SPAG17: variants seen among roughly 807,000 people sequenced by gnomAD.
SPAG17 encodes sperm associated antigen 17, also known as sperm-associated antigen 17.
A neutral mutation model predicts 273.6 loss-of-function variants in SPAG17; 169 were observed. The observed-to-expected ratio is 0.62, with a 90% CI of 0.55 to 0.70. SPAG17 has a LOEUF of 0.70. Among genes scored for constraint, SPAG17 ranks in the 30% least tolerant of loss-of-function variants. The probability of loss-of-function intolerance (pLI) is 0.00; values close to 1 mark genes in which losing one functional copy is unlikely to be tolerated. For missense variants in SPAG17, 2,557 were observed against 2,627.8 expected, an observed-to-expected ratio of 0.97 and a Z score of 0.59; for synonymous variants, 825 against 873.2, an observed-to-expected ratio of 0.94 and a Z score of 0.97.
At chr1:118,174,991 T>G (rs992350936) in intron 1 of SPAG17, among the ~76,000 whole-genome samples, 15 of 150,778 alleles carry the variant, frequency 9.9e-5, no homozygotes, top group African/African-American at 3.7e-4. Flanking sequence ...GATATGTGAA[T>G]AGATTGGAAG....
At chr1:118,044,061 ATAT>A (rs1394838092) in intron 20 of SPAG17, among the ~76,000 whole-genome samples, 1 of 152,164 alleles carries the variant, frequency 6.6e-6, no homozygotes, top group Non-Finnish European at 1.5e-5. Flanking sequence ...TACATAAATA[ATAT>A]TATATGCTTT....
In SPAG17 at chr1:118,136,788, T is replaced by C. The variant is rs1181821256; in HGVS notation, c.315+13755A>G. The stretch of plus-strand genomic sequence containing the variant: ...GCTTGTTTTAAAGAAAGGGGTAAAG[T>C]GTGTGTGTGTGTATGTGTGTGTGTG... On this transcript the variant is annotated intron_variant, in intron 3 of 48. Transcript: ENST00000336338. 3.6e-4 allele frequency among the ~76,000 whole-genome samples: 44 copies of C among 122,324 alleles called. 1 individual carries two copies. In the Admixed American group the frequency reaches 3.9e-3, roughly 11 times the overall value. 80.2% of individuals were successfully genotyped at this position (122,324 alleles called of 152,430 possible).
chr1:118,048,738 A>G (rs1650656339), intron 20 of SPAG17, among the ~76,000 whole-genome samples: 1 of 152,108 alleles, frequency 6.6e-6, no homozygotes. Flanking sequence ...TCTATTAAAA[A>G]TACAAAAATT....
chr1:118,162,829 T>C (rs568223827), intron 1 of SPAG17, among the ~76,000 whole-genome samples: 64 of 152,326 alleles, frequency 4.2e-4, no homozygotes, highest in African/African-American at 1.5e-3. Flanking sequence ...TTCATTTATT[T>C]TAATTGCTCT....
At chr1:118,144,172 C>G (rs1195292950) in intron 3 of SPAG17, among the ~76,000 whole-genome samples, 2 of 152,200 alleles carry the variant, frequency 1.3e-5, no homozygotes, top group African/African-American at 2.4e-5. Flanking sequence ...GGTTTCTGAT[C>G]TGGGAGGCAA....
At chr1:117,994,234 T>A (rs1284612344) in intron 35 of SPAG17, among the ~76,000 whole-genome samples, 172 bp downstream of exon 35, 3 of 152,170 alleles carry the variant, frequency 2.0e-5, no homozygotes. Context: ...GAAATGTTGT[T>A]GCCACATCTA....
intron 40 of SPAG17, among the ~76,000 whole-genome samples, chr1:117,986,540 C>T (rs1215470283): frequency 2.0e-5 from 3 of 152,134 alleles, no homozygotes; most frequent in East Asian, 1.9e-4. Flanking sequence ...TAAGTTAAAA[C>T]TTGAAATTGT....
At chr1:118,045,958 A>T (rs1431238823) in intron 20 of SPAG17, among the ~76,000 whole-genome samples, 1 of 152,190 alleles carries the variant, frequency 6.6e-6, no homozygotes, top group Admixed American at 6.5e-5. Flanking sequence ...TCTAGAGCAA[A>T]TACTCCCAGA....
chr1:118,148,666 A>G (rs1450228142), intron 3 of SPAG17, among the ~76,000 whole-genome samples: 4 of 152,210 alleles, frequency 2.6e-5, no homozygotes, highest in Non-Finnish European at 5.9e-5. Context: ...CCGACCCAGA[A>G]GCCTAGGCAG....
rs974678839 is a variant in SPAG17, at chr1:118,085,921, C to G, written c.1762+1G>C. The G allele has an allele frequency of 1.9e-6, 3 of 1,599,078 alleles. No individual in the cohort carries two copies. The highest frequency in any genetic ancestry group is 2.3e-5 in the East Asian group (1 of 43,892). On this transcript the variant is annotated splice_donor_variant, in intron 13 of 48. Transcript: ENST00000336338. LOFTEE classifies it high-confidence loss of function. ...AAGCTAAGACAAAGCAATGGACTCA[C>G]CACTCGTACAAAAGTGCATAAGCTC...
chr1:118,163,541 CTTT>C (rs772258602), intron 1 of SPAG17, among the ~76,000 whole-genome samples: 14 of 140,916 alleles, frequency 9.9e-5, no homozygotes, highest in Admixed American at 2.2e-4. Flanking sequence ...TTCCTTCTTC[CTTT>C]TTTTTTTTTT....
chr1:118,092,745 A>C (rs1655462413), intron 8 of SPAG17, among the ~76,000 whole-genome samples: 1 of 152,230 alleles, frequency 6.6e-6, no homozygotes. Context: ...AGCATTCATC[A>C]TGCTACGTTG....
chr1:118,054,042 T>C lies in SPAG17; in HGVS notation c.2774A>G (p.Glu925Gly). 6.2e-7 allele frequency: 1 copy of C among 1,608,052 alleles called. No homozygotes were observed. The highest frequency in any genetic ancestry group is 1.1e-5 in the South Asian group (1 of 90,662). The change falls in exon 20 of 49, where the codon GAG (glutamate) becomes GGG (glycine). Residue 925 changes from glutamate to glycine, a missense_variant. By Grantham distance (98) the Glu-to-Gly change is moderately conservative (BLOSUM62 -2). Transcript: ENST00000336338. Reference protein sequence around the residue: ...TEISDQEKEKEKEKIPFILEG... With the variant: ...TEISDQEKEKGKEKIPFILEG... The stretch of plus-strand genomic sequence containing the variant: ...TAAAATGAAAGGAATCTTTTCCTTC[T>C]CTTTTTCTTTTTCTTGATCTGATAT...
rs149466639 is a variant in SPAG17 at position 118,043,524 on chromosome 1, T to C, written c.2815-1482A>G. On this transcript the variant is annotated intron_variant, in intron 20 of 48. Coordinates refer to ENST00000336338, the MANE Select transcript of SPAG17 (RefSeq NM_206996.4). ...TTTTGTGACATTTCACTATTGTCTA[T>C]GCTCTGGAGTTTATTTATGTCAATT... 9.6e-4 allele frequency among the ~76,000 whole-genome samples: 147 copies of C among 152,352 alleles called. 2 individuals are homozygous for C. The highest frequency in any genetic ancestry group is 3.5e-3 in the African/African-American group (144 of 41,594).
chr1:117,996,569 A>T (rs376183787), intron 33 of SPAG17, 29 bp downstream of exon 33: 5 of 1,602,442 alleles, frequency 3.1e-6, no homozygotes, highest in Non-Finnish European at 4.3e-6. Flanking sequence ...CTCAGAATTA[A>T]AAGTAAAATT....
chr1:117,959,410 G>A (rs1370163491), intron 48 of SPAG17: 2 of 1,611,274 alleles, frequency 1.2e-6, no homozygotes, highest in African/African-American at 1.3e-5. Flanking sequence ...AAGAGGAAGA[G>A]GAAAAAGAGG....
chr1:118,081,214 G>A lies in SPAG17; in HGVS notation c.2096C>T (p.Ala699Val). 4 of 1,613,838 alleles carry A rather than the reference G, an allele frequency of 2.5e-6. No individual in the cohort carries two copies. Among genetic ancestry groups the A allele is most frequent in the Non-Finnish European group, 2.5e-6 (3 of 1,179,904 alleles). ...CAAGTCAGAATGCTTCATATTGTTA[G>A]CATCACACTGACTAGGATCTGAAGG... ...REPSDPSQCD[A>V]NNMKHSDLNN... Residue 699 changes from alanine to valine, a missense_variant, in exon 15 of 49, where the codon GCT becomes GTT. Physicochemically the swap from Ala to Val is moderately conservative, Grantham distance 64. Transcript: ENST00000336338.
chr1:118,136,484 C>A (rs1658363789), intron 3 of SPAG17, among the ~76,000 whole-genome samples: 1 of 152,140 alleles, frequency 6.6e-6, no homozygotes, highest in Non-Finnish European at 1.5e-5. Context: ...AATGCAGTTT[C>A]ATTTCATTTA....
Position 118,099,725 on chromosome 1 carries a change from A to G in SPAG17, c.710T>C (p.Met237Thr). ...GFNNPQLLAI[M>T]AELGIPITSV... ...GGTTATAGGAATGCCAAGCTCAGCC[A>G]TAATTGCTAATAGCTGAGGATTGTT... Residue 237 changes from methionine (M) to threonine (T), a missense_variant, in exon 6 of 49, where the codon ATG becomes ACG. Transcript: ENST00000336338. 1 of 1,613,854 alleles carries G rather than the reference A, an allele frequency of 6.2e-7. No homozygotes were observed. Among genetic ancestry groups the G allele is most frequent in the South Asian group, 1.1e-5 (1 of 91,068 alleles).
Sources: gnomAD v4.1 joint callset for allele counts (sites outside exome capture counted in the v4.1 genomes callset) on GRCh38, gnomAD v4.1.1 for gene constraint, MANE v1.5 for transcripts, NCBI Gene and HGNC (gene_info 2026-07-23, HGNC 2026-07-21) for gene names.